CHD1L: variants seen among roughly 807,000 people sequenced by gnomAD.
The protein encoded by CHD1L is chromodomain helicase DNA binding protein 1 like.
CHD1L carries 118 observed loss-of-function variants against 115.9 expected under a neutral mutation model. The observed-to-expected ratio is 1.02, with a 90% CI of 0.88 to 1.19. The LOEUF (loss-of-function observed/expected upper bound fraction) is 1.19. Ranked by LOEUF, CHD1L falls within the 50% of genes most tolerant of loss-of-function variation. The pLI, the probability that CHD1L is intolerant of heterozygous loss-of-function variation, is 0.00. For synonymous variants in CHD1L, 411 were observed against 387.1 expected (o/e 1.06, Z -0.72); for missense variants, 1,179 against 1,065.3 (o/e 1.11, Z -1.49).
At chr1:147,190,224 A>G in the CHD1L span, 1 of 1,611,112 alleles carries the variant, frequency 6.2e-7, no homozygotes, top group Non-Finnish European at 8.5e-7. Context: ...CCATCATTTC[A>G]CTCTGTGAGG....
At chr1:147,220,944 C>CAA in the CHD1L span, among the ~76,000 whole-genome samples, 18,965 of 137,096 alleles carry the variant, frequency 0.14, 1,330 homozygotes, top group South Asian at 0.21. Flanking sequence ...TTTAAGTTTC[C>CAA]AAAAAAAAAA....
chr1:147,177,073 T>C, the CHD1L span, among the ~76,000 whole-genome samples: 2 of 152,048 alleles, frequency 1.3e-5, no homozygotes, highest in African/African-American at 4.8e-5. Flanking sequence ...GCATCCAGTT[T>C]TTTGTTTCTA....
At chr1:147,176,073 A>C in the CHD1L span, 5,602 of 152,186 alleles carry the variant, frequency 0.037, 150 homozygotes, top group South Asian at 0.096. Context: ...CTGTACAATA[A>C]AAAGTAAATT....
At chr1:147,248,370 G>A (rs1302069060) in intron 1 of CHD1L, among the ~76,000 whole-genome samples, 2 of 151,912 alleles carry the variant, frequency 1.3e-5, no homozygotes, top group African/African-American at 2.4e-5. Context: ...CACCATACCC[G>A]GCTAATTTTG....
chr1:147,187,159 T>C, the CHD1L span: 6 of 1,614,000 alleles, frequency 3.7e-6, no homozygotes, highest in South Asian at 3.3e-5. Context: ...AGACAGCAGA[T>C]TGGGCCTGAC....
At chr1:147,194,112 A>G in the CHD1L span, among the ~76,000 whole-genome samples, 1 of 152,074 alleles carries the variant, frequency 6.6e-6, no homozygotes, top group African/African-American at 2.4e-5. Context: ...TGGGGTGTTA[A>G]AGTCTCCCAT....
At chr1:147,268,295 T>G (rs782123372) in intron 9 of CHD1L, among the ~76,000 whole-genome samples, 6 of 152,190 alleles carry the variant, frequency 3.9e-5, no homozygotes, top group Non-Finnish European at 5.9e-5. Context: ...AGCACTCCTG[T>G]GGCCATGGAG....
In CHD1L at chr1:147,259,803, A is replaced by C. The variant is rs199532285; in HGVS notation, c.495-34A>C. 2,197 of 1,560,174 alleles carry C rather than the reference A, an allele frequency of 1.4e-3. 5 individuals are homozygous for C. The highest frequency in any genetic ancestry group is 1.7e-3 in the Non-Finnish European group (1,882 of 1,134,838). On this transcript the variant is annotated intron_variant, in intron 5 of 22. Transcript: ENST00000369258. ...TGATTGTGAAATATGTGTTTAAATTACACAAAACTGAAAGCTTGGGTTTTC... is the reference window on the plus strand; with the variant it reads ...TGATTGTGAAATATGTGTTTAAATTCCACAAAACTGAAAGCTTGGGTTTTC...
At chr1:147,192,230 C>G in the CHD1L span, among the ~76,000 whole-genome samples, 3 of 151,976 alleles carry the variant, frequency 2.0e-5, no homozygotes, top group African/African-American at 7.3e-5. Context: ...CCTTCACATC[C>G]CTTGTAAGTT....
At chr1:147,271,121 C>A in intron 11 of CHD1L, 116 bp downstream of exon 11, 2 of 939,048 alleles carry the variant, frequency 2.1e-6, no homozygotes, top group Non-Finnish European at 3.3e-6. Context: ...AGGGTGAGAA[C>A]ATTATTCAGA....
chr1:147,290,472 C>CT (rs376270275), intron 19 of CHD1L, among the ~76,000 whole-genome samples: 150 of 152,256 alleles, frequency 9.9e-4, no homozygotes, highest in African/African-American at 3.4e-3. Context: ...GGTGGCACCA[C>CT]GCCGAGGTTG....
chr1:147,221,301 A>G, the CHD1L span, among the ~76,000 whole-genome samples: 1 of 152,198 alleles, frequency 6.6e-6, no homozygotes, highest in Admixed American at 6.5e-5. Flanking sequence ...ATAATGTATC[A>G]ATATTGGTTC....
chr1:147,259,102 C>G (rs1671068658), intron 5 of CHD1L: 1 of 152,108 alleles, frequency 6.6e-6, no homozygotes, highest in Non-Finnish European at 1.5e-5. Flanking sequence ...TTGAAACATT[C>G]CCACATATAT....
chr1:147,258,727 C>G (rs992112526), intron 5 of CHD1L, among the ~76,000 whole-genome samples: 2 of 152,196 alleles, frequency 1.3e-5, no homozygotes, highest in Admixed American at 6.5e-5. Context: ...AGGTGAACCT[C>G]TGCTCAAGAT....
At chr1:147,195,150 C>T in the CHD1L span, among the ~76,000 whole-genome samples, 5,652 of 152,122 alleles carry the variant, frequency 0.037, 159 homozygotes, top group South Asian at 0.096. Flanking sequence ...TTCACCAATC[C>T]GACGTAGATT....
the CHD1L span, chr1:147,178,192 G>C: frequency 6.2e-7 from 1 of 1,612,384 alleles, no homozygotes; most frequent in Admixed American, 1.7e-5. Context: ...TGCCTCCGAC[G>C]TGCTAGGACT....
chr1:147,237,875 C>T (rs1664634310), upstream of CHD1L, among the ~76,000 whole-genome samples: 1 of 152,136 alleles, frequency 6.6e-6, no homozygotes, highest in Non-Finnish European at 1.5e-5. Context: ...AGCAAAAAGA[C>T]CGTGGGCAAA....
chr1:147,224,784 A>T, the CHD1L span: 1 of 984,380 alleles, frequency 1.0e-6, no homozygotes, highest in Non-Finnish European at 1.6e-6. Context: ...TGCTAGGATT[A>T]CAGGCGTGTG....
At chr1:147,185,770 CTTAG>C in the CHD1L span, among the ~76,000 whole-genome samples, 1 of 152,172 alleles carries the variant, frequency 6.6e-6, no homozygotes, top group African/African-American at 2.4e-5. Flanking sequence ...ACAGCTGACA[CTTAG>C]TTAATTTCTC....
Sources: allele counts gnomAD v4.1 joint callset (sites outside exome capture counted in the v4.1 genomes callset), GRCh38; gene constraint gnomAD v4.1.1; transcripts MANE v1.5; gene names NCBI Gene and HGNC (gene_info 2026-07-23, HGNC 2026-07-21).